CCDC171: variants seen among roughly 807,000 people sequenced by gnomAD.
The protein encoded by CCDC171 is coiled-coil domain containing 171.
Under a neutral mutation model 168.2 loss-of-function variants are expected in CCDC171, and 177 were observed. The ratio of observed to expected loss-of-function variants is 1.05; its 90% CI spans 0.93 to 1.19. The LOEUF (loss-of-function observed/expected upper bound fraction) is 1.19, where lower values mean the gene tolerates loss of function less well. CCDC171 is among the 50% of genes most tolerant of loss of function. The pLI is 0.00. For synonymous variants in CCDC171, 687 were observed against 540.8 expected (o/e 1.27, Z -3.75); for missense variants, 1,991 against 1,539.0 (o/e 1.29, Z -4.91).
chr9:15,600,784 CCATTT>C (rs1206905589), intron 6 of CCDC171, among the ~76,000 whole-genome samples: 1 of 152,180 alleles, frequency 6.6e-6, no homozygotes, highest in Non-Finnish European at 1.5e-5. Flanking sequence ...TGGGCTCCAC[CCATTT>C]CGAGCTTCCC....
At chr9:15,954,547 A>T (rs556205951) in intron 25 of CCDC171, among the ~76,000 whole-genome samples, 4 of 152,014 alleles carry the variant, frequency 2.6e-5, no homozygotes, top group Non-Finnish European at 5.9e-5. Flanking sequence ...TCCACAGTGC[A>T]TATGTTGCTC....
chr9:16,067,525 G>A, the CCDC171 span, among the ~76,000 whole-genome samples: 1 of 152,160 alleles, frequency 6.6e-6, no homozygotes, highest in Non-Finnish European at 1.5e-5. Flanking sequence ...TTTTAGACAT[G>A]AAGTCCTTGC....
chr9:15,992,405 A>G (rs1375182400), intron 3 of CCDC171, among the ~76,000 whole-genome samples: 1 of 152,234 alleles, frequency 6.6e-6, no homozygotes, highest in African/African-American at 2.4e-5. Context: ...TCTTCATGCT[A>G]AAAACTCTCA....
At chr9:15,789,653 C>T (rs994632029) in intron 21 of CCDC171, among the ~76,000 whole-genome samples, 5 of 152,096 alleles carry the variant, frequency 3.3e-5, no homozygotes, top group African/African-American at 1.2e-4. Flanking sequence ...GCACAACGTG[C>T]AGAGTTGTTA....
At chr9:15,638,777 A>G (rs988059529) in intron 7 of CCDC171, among the ~76,000 whole-genome samples, 6 of 151,944 alleles carry the variant, frequency 3.9e-5, no homozygotes, top group African/African-American at 1.4e-4. Flanking sequence ...AAAAACAAAC[A>G]AACTCCCAAT....
chr9:15,836,145 G>A (rs867713496), intron 21 of CCDC171, among the ~76,000 whole-genome samples: 12 of 151,900 alleles, frequency 7.9e-5, no homozygotes, highest in Admixed American at 3.3e-4. Context: ...ATATTAAATT[G>A]CCAAATGTAG....
At chr9:15,600,876 G>T (rs2042794168) in intron 6 of CCDC171, among the ~76,000 whole-genome samples, 1 of 152,194 alleles carries the variant, frequency 6.6e-6, no homozygotes, top group African/African-American at 2.4e-5. Context: ...CTTGCAGTTG[G>T]ATTTCACACT....
intron 1 of CCDC171, among the ~76,000 whole-genome samples, chr9:16,056,411 A>G (rs1288144422): frequency 2.0e-5 from 3 of 152,222 alleles, no homozygotes; most frequent in Non-Finnish European, 4.4e-5. Flanking sequence ...GTAATTGTTA[A>G]TTTAAATTGA....
intron 23 of CCDC171, among the ~76,000 whole-genome samples, chr9:15,855,432 C>G (rs1374265854): frequency 6.6e-6 from 1 of 151,760 alleles, no homozygotes; most frequent in Non-Finnish European, 1.5e-5. Flanking sequence ...CTATTGGTGT[C>G]TTTGTATCTA....
chr9:15,732,683 A>C (rs1052390553), intron 16 of CCDC171, among the ~76,000 whole-genome samples: 1 of 152,112 alleles, frequency 6.6e-6, no homozygotes, highest in Non-Finnish European at 1.5e-5. Context: ...ATTTTATCCA[A>C]ATACTTGCTG....
chr9:15,809,793 A>G (rs958654909), intron 21 of CCDC171, among the ~76,000 whole-genome samples: 3 of 152,176 alleles, frequency 2.0e-5, no homozygotes, highest in Non-Finnish European at 4.4e-5. Flanking sequence ...AAGCTTCCAC[A>G]ATGTGGAAGA....
chr9:15,810,488 GCCATGGGGT>G (rs2059296819), intron 21 of CCDC171, among the ~76,000 whole-genome samples: 2 of 140,760 alleles, frequency 1.4e-5, no homozygotes, highest in African/African-American at 2.7e-5. Context: ...TTGGGGGCCC[GCCATGGGGT>G]GGGGGGGTGG....
intron 23 of CCDC171, among the ~76,000 whole-genome samples, chr9:15,873,151 C>T (rs1817399996): frequency 1.3e-5 from 2 of 151,856 alleles, no homozygotes; most frequent in African/African-American, 4.8e-5. Flanking sequence ...TTTTTATGCC[C>T]ATAGATTAGC....
chr9:15,848,835 T>C (rs960352313), intron 22 of CCDC171, 58 bp from the exon 23 acceptor site: 3 of 901,248 alleles, frequency 3.3e-6, no homozygotes, highest in Admixed American at 2.3e-5. Context: ...TACTAAAATG[T>C]GTAACAGTTG....
At chr9:15,783,618 C>T (rs2057781521) in intron 20 of CCDC171, among the ~76,000 whole-genome samples, 1 of 152,094 alleles carries the variant, frequency 6.6e-6, no homozygotes, top group East Asian at 1.9e-4. Flanking sequence ...TTATACTTCA[C>T]GATGTCTCTG....
chr9:15,686,194 A>G (rs539603340), intron 10 of CCDC171, among the ~76,000 whole-genome samples: 19 of 152,274 alleles, frequency 1.2e-4, no homozygotes, highest in African/African-American at 4.6e-4. Context: ...ATTCCTGTAA[A>G]TTTTTATACC....
intron 9 of CCDC171, among the ~76,000 whole-genome samples, chr9:15,673,591 A>G (rs778831943): frequency 6.6e-6 from 1 of 152,190 alleles, no homozygotes; most frequent in Non-Finnish European, 1.5e-5. Context: ...CCTTTTATGC[A>G]TCTATTGAGA....
chr9:15,794,851 C>A (rs1327625937), intron 21 of CCDC171, among the ~76,000 whole-genome samples: 1 of 152,164 alleles, frequency 6.6e-6, no homozygotes, highest in Admixed American at 6.5e-5. Context: ...AAATATATTG[C>A]TGCACCCAGT....
intron 6 of CCDC171, among the ~76,000 whole-genome samples, chr9:15,608,944 CAAAA>C (rs71491669): frequency 1.5e-4 from 2 of 13,708 alleles, no homozygotes; most frequent in African/African-American, 2.5e-4. Context: ...GACCCTGTCT[CAAAA>C]AAAAAAAAAA....
Sources: allele counts gnomAD v4.1 joint callset (sites outside exome capture counted in the v4.1 genomes callset), GRCh38; gene constraint gnomAD v4.1.1; transcripts MANE v1.5; gene names NCBI Gene and HGNC (gene_info 2026-07-23, HGNC 2026-07-21).